CATSPER4: variants seen among roughly 807,000 people sequenced by gnomAD.
The protein encoded by CATSPER4 is cation channel sperm associated 4, also known as cation channel sperm-associated protein 4.
In CATSPER4, 46 loss-of-function variants were observed where a neutral mutation model predicts 54.4. The observed-to-expected ratio is 0.84, with a 90% confidence interval of 0.67 to 1.08. The LOEUF (loss-of-function observed/expected upper bound fraction) is 1.08, where lower values mean the gene tolerates loss of function less well. Among genes scored for constraint, CATSPER4 ranks in the 50% least tolerant of loss-of-function variants. The probability of loss-of-function intolerance (pLI) is 0.00; values close to 1 mark genes in which losing one functional copy is unlikely to be tolerated. For missense variants in CATSPER4, 574 were observed against 612.8 expected, an observed-to-expected ratio of 0.94 and a Z score of 0.67; for synonymous variants, 230 against 231.9, an observed-to-expected ratio of 0.99 and a Z score of 0.08.
intron 8 of CATSPER4, 72 bp downstream of exon 8, chr1:26,201,113 C>A: frequency 1.6e-6 from 2 of 1,250,490 alleles, no homozygotes; most frequent in Middle Eastern, 1.9e-4. Flanking sequence ...AGTCTTCTGG[C>A]CTCACGCCCT....
intron 5 of CATSPER4, 81 bp from the exon 6 acceptor site, chr1:26,198,205 G>A: frequency 6.2e-7 from 1 of 1,613,580 alleles, no homozygotes; most frequent in Non-Finnish European, 8.5e-7. Flanking sequence ...TTCCTCAGCA[G>A]CGTTCATTTA....
At chr1:26,201,107 T>C in intron 8 of CATSPER4, 66 bp downstream of exon 8, 3 of 1,351,230 alleles carry the variant, frequency 2.2e-6, no homozygotes, top group South Asian at 1.2e-5. Flanking sequence ...CGTCAGAGTC[T>C]TCTGGCCTCA....
chr1:26,200,888 C>T lies in CATSPER4; in HGVS notation c.1046C>T (p.Ala349Val). The part of the protein sequence containing the change: ...DQLPLVHCVV[A>V]RSEKSGLLQE... Reference sequence around the variant, plus strand: ...CTGCCACTGGTGCATTGTGTGGTCGCCCGCTCGGAGAAATCTGGTCTCCTC... The same window carrying T: ...CTGCCACTGGTGCATTGTGTGGTCGTCCGCTCGGAGAAATCTGGTCTCCTC... Residue 349 changes from alanine (A) to valine (V), a missense_variant, in exon 8 of 10, where the codon GCC (alanine) becomes GTC (valine). Ala to Val is a moderately conservative substitution (Grantham distance 64, BLOSUM62 0). Transcript: ENST00000456354. The T allele has an allele frequency of 1.2e-6, 2 of 1,614,164 alleles. No individual in the cohort carries two copies. Among genetic ancestry groups the T allele is most frequent in the Admixed American group, 1.7e-5 (1 of 60,020 alleles).
intron 7 of CATSPER4, 35 bp from the exon 8 acceptor site, chr1:26,200,795 G>T (rs1428241693): frequency 6.4e-7 from 1 of 1,568,574 alleles, no homozygotes; most frequent in African/African-American, 1.4e-5. Context: ...GCCTGCCTGA[G>T]CTGTCCCGAC....
In CATSPER4 at chr1:26,197,725, T is replaced by A; in HGVS notation, c.499T>A (p.Leu167Met). Residue 167 changes from leucine to methionine, a missense_variant, in exon 4 of 10, where the codon TTG becomes ATG. Coordinates refer to ENST00000456354, the MANE Select transcript of CATSPER4 (RefSeq NM_198137.2). ...CCTCAACTTCATTATCGTCTTTATC[T>A]TGCTCTTGCGGTTCTTCATTAATGA... is the stretch of plus-strand genomic sequence containing the variant. ...NILNFIIVFI[L>M]LLRFFINEIN... 1 of 1,613,944 alleles carries A rather than the reference T, an allele frequency of 6.2e-7. No homozygotes were observed. Among genetic ancestry groups the A allele is most frequent in the Non-Finnish European group, 8.5e-7 (1 of 1,180,002 alleles).
chr1:26,198,488 G>A, intron 6 of CATSPER4, 69 bp downstream of exon 6: 1 of 1,593,792 alleles, frequency 6.3e-7, no homozygotes, highest in East Asian at 2.2e-5. Context: ...GCTCCAGGCT[G>A]AGAGTGGGAG....
chr1:26,195,647 G>A (rs964972711), intron 3 of CATSPER4, among the ~76,000 whole-genome samples: 3 of 151,928 alleles, frequency 2.0e-5, no homozygotes, highest in Admixed American at 6.6e-5. Flanking sequence ...GACTACAGGC[G>A]CCCGCCACCA....
At chr1:26,190,919 C>T (rs991541005) in intron 1 of CATSPER4, 79 bp downstream of exon 1, 21 of 1,363,744 alleles carry the variant, frequency 1.5e-5, no homozygotes, top group Non-Finnish European at 2.0e-5. Context: ...TAACTCTGCC[C>T]CTCTACCCTC....
intron 6 of CATSPER4, among the ~76,000 whole-genome samples, 156 bp from the exon 7 acceptor site, chr1:26,199,728 G>A (rs2088984406): frequency 6.6e-6 from 1 of 152,218 alleles, no homozygotes; most frequent in South Asian, 2.1e-4. Context: ...GTAGAGAGCA[G>A]CTATTGAGAC....
rs755324488 is a variant in CATSPER4 at position 26,199,863 on chromosome 1, G to GC, written c.813-17dup. 5.6e-6 allele frequency: 9 copies of GC among 1,612,950 alleles called. No individual in the cohort carries two copies. The Admixed American group carries it at 1.5e-4, about 27-fold the overall frequency. On this transcript the variant is annotated intron_variant, in intron 6 of 9. Coordinates refer to ENST00000456354, the MANE Select transcript of CATSPER4 (RefSeq NM_198137.2). ...CTTGAAGGGCCAGGGAAATGATGGG[G>GC]CCCCTGCCTGCCATCTGCAGGACAG...
intron 3 of CATSPER4, among the ~76,000 whole-genome samples, chr1:26,195,365 T>C (rs953794517): frequency 2.0e-5 from 3 of 152,220 alleles, no homozygotes; most frequent in Non-Finnish European, 4.4e-5. Flanking sequence ...GGTGCCAACA[T>C]CTGCTTCTGG....
chr1:26,199,684 T>C (rs981030178), intron 6 of CATSPER4, among the ~76,000 whole-genome samples, 200 bp from the exon 7 acceptor site: 1 of 151,716 alleles, frequency 6.6e-6, no homozygotes, highest in Non-Finnish European at 1.5e-5. Flanking sequence ...GGTTAGAGAA[T>C]CAGCTCACTG....
intron 2 of CATSPER4, among the ~76,000 whole-genome samples, chr1:26,192,120 T>G (rs940513763): frequency 6.7e-6 from 1 of 149,422 alleles, no homozygotes; most frequent in Admixed American, 6.7e-5. Context: ...ATCCTTGATG[T>G]TTTAATTTCT....
rs377514068 is a variant in CATSPER4, at chr1:26,197,975, T to C, written c.576T>C (p.His192=). 32 of 1,613,454 alleles carry C rather than the reference T, an allele frequency of 2.0e-5. No individual in the cohort carries two copies. Among genetic ancestry groups the C allele is most frequent in the Non-Finnish European group, 2.5e-5 (30 of 1,180,012 alleles). The change falls in exon 5 of 10, where the codon CAT becomes CAC. Residue 192 remains histidine, a synonymous_variant. Transcript: ENST00000456354. ...GCCACAGGGCGCTTCGTCTGGTGCA[T>C]GTGTGCATGGCGGTGGAGCCCCTCG... ...NYTLRALRLV[H]VCMAVEPLAR...
rs879033022 is a variant in CATSPER4, at chr1:26,199,961, T to C, written c.890T>C (p.Ile297Thr). 6.2e-7 allele frequency: 1 copy of C among 1,614,144 alleles called. No homozygotes were observed. The highest frequency in any genetic ancestry group is 8.5e-7 in the Non-Finnish European group (1 of 1,180,022). ...FTIFITIGAF[I>T]GINLFVIVVT... ...ATCTTCATCACCATCGGTGCCTTCATTGGCATCAACCTGTTCGTCATCGTG... is the reference window on the plus strand; with the variant it reads ...ATCTTCATCACCATCGGTGCCTTCACTGGCATCAACCTGTTCGTCATCGTG... Residue 297 changes from isoleucine to threonine, a missense_variant, in exon 7 of 10, where the codon ATT (isoleucine) becomes ACT (threonine). By Grantham distance (89) the Ile-to-Thr change is moderately conservative. Transcript: ENST00000456354.
At chr1:26,202,342 G>T in intron 9 of CATSPER4, 147 bp from the exon 10 acceptor site, 1 of 731,204 alleles carries the variant, frequency 1.4e-6, no homozygotes. Context: ...AACTCAGAGG[G>T]GGTACTAGGT....
At chr1:26,201,573 C>G in intron 9 of CATSPER4, 54 bp downstream of exon 9, 1 of 1,586,446 alleles carries the variant, frequency 6.3e-7, no homozygotes, top group Non-Finnish European at 8.7e-7. Context: ...TCTGCTCAGC[C>G]CAGCCCAGCC....
Position 26,193,807 on chromosome 1 carries a change from T to C in CATSPER4, c.378T>C (p.Ser126=). 6.2e-7 allele frequency: 1 copy of C among 1,613,540 alleles called. No individual in the cohort carries two copies. The highest frequency in any genetic ancestry group is 8.5e-7 in the Non-Finnish European group (1 of 1,179,428). Residue 126 remains serine (S), a synonymous_variant, in exon 3 of 10, where the codon TCT becomes TCC. Coordinates refer to ENST00000456354, the MANE Select transcript of CATSPER4 (RefSeq NM_198137.2). ...TGTAGAAACACTATGAGTTGTTCTC[T>C]ACCATAGATGACATTGTGCTGACCA... ...YLDQKHYELF[S]TIDDIVLTIL... is the part of the protein sequence containing the mutation.
chr1:26,201,235 C>T, intron 8 of CATSPER4, 119 bp from the exon 9 acceptor site: 1 of 1,161,452 alleles, frequency 8.6e-7, no homozygotes, highest in Non-Finnish European at 1.3e-6. Context: ...CACAGCTCGG[C>T]CTGGGTCTCT....
Sources: gnomAD v4.1 joint callset for allele counts (sites outside exome capture counted in the v4.1 genomes callset) on GRCh38, gnomAD v4.1.1 for gene constraint, MANE v1.5 for transcripts, NCBI Gene and HGNC (gene_info 2026-07-23, HGNC 2026-07-21) for gene names.